Variants in DAB1 observed in about 807,000 individuals in gnomAD.
The protein encoded by DAB1 is disabled homolog 1.
A neutral mutation model predicts 64.6 loss-of-function variants in DAB1; 15 were observed. The observed-to-expected ratio is 0.23, with a 90% CI of 0.16 to 0.36. DAB1 has a LOEUF of 0.36. DAB1 is among the 10% of genes least tolerant of loss of function. The pLI is 1.00. For missense variants in DAB1, 596 were observed against 706.7 expected (o/e 0.84, Z 1.78); for synonymous variants, 235 against 251.9 (o/e 0.93, Z 0.64).
chr1:57,852,758 C>T (rs1321065018), intron 1 of DAB1, among the ~76,000 whole-genome samples: 1 of 152,108 alleles, frequency 6.6e-6, no homozygotes, highest in Non-Finnish European at 1.5e-5. Context: ...TTATGTTTCT[C>T]ATTTACATTT....
At chr1:57,281,848 G>A (rs1671920628) in intron 2 of DAB1, among the ~76,000 whole-genome samples, 1 of 152,042 alleles carries the variant, frequency 6.6e-6, no homozygotes, top group South Asian at 2.1e-4. Context: ...ATATGTAGAA[G>A]CTCACATGAA....
chr1:57,066,823 C>A (rs1246661672), intron 8 of DAB1, among the ~76,000 whole-genome samples: 1 of 152,122 alleles, frequency 6.6e-6, no homozygotes, highest in Non-Finnish European at 1.5e-5. Flanking sequence ...TTTCATAGCC[C>A]AGGAAATTGA....
At chr1:58,118,107 C>T (rs1429905417) in intron 5 of DAB1, among the ~76,000 whole-genome samples, 1 of 151,606 alleles carries the variant, frequency 6.6e-6, no homozygotes, top group Non-Finnish European at 1.5e-5. Context: ...GACAATGTCT[C>T]CTTACATTGC....
At chr1:57,165,853 C>T (rs1661170209) in intron 2 of DAB1, among the ~76,000 whole-genome samples, 1 of 152,130 alleles carries the variant, frequency 6.6e-6, no homozygotes, top group African/African-American at 2.4e-5. Flanking sequence ...TTAAGAAGTC[C>T]CCAGTCTACT....
At chr1:58,423,015 A>G (rs928881307) in intron 3 of DAB1, among the ~76,000 whole-genome samples, 3 of 152,160 alleles carry the variant, frequency 2.0e-5, no homozygotes, top group Non-Finnish European at 4.4e-5. Context: ...AAAGCACACT[A>G]GAAGGAAGGT....
chr1:57,197,673 A>G (rs561703), intron 2 of DAB1, among the ~76,000 whole-genome samples: 47,632 of 152,104 alleles, frequency 0.31, 7,748 homozygotes, highest in Middle Eastern at 0.39. Context: ...AGGAGAGCAC[A>G]TGGTTTTACA....
chr1:57,756,227 T>C (rs1438343477), intron 6 of DAB1, among the ~76,000 whole-genome samples: 1 of 152,208 alleles, frequency 6.6e-6, no homozygotes, highest in African/African-American at 2.4e-5. Flanking sequence ...ACAGTCACAT[T>C]GCCCTCATTT....
chr1:57,208,021 GC>G (rs1427479421), intron 2 of DAB1, among the ~76,000 whole-genome samples: 2 of 152,278 alleles, frequency 1.3e-5, no homozygotes, highest in Admixed American at 1.3e-4. Flanking sequence ...CCTAAAGCAG[GC>G]CCTGAAATAA....
At chr1:57,562,145 G>A (rs1021806878) in intron 7 of DAB1, among the ~76,000 whole-genome samples, 2 of 152,232 alleles carry the variant, frequency 1.3e-5, no homozygotes, top group African/African-American at 4.8e-5. Flanking sequence ...GGCCGAGGCA[G>A]GTGGACTACC....
At chr1:57,992,302 G>A (rs897163108) in intron 5 of DAB1, among the ~76,000 whole-genome samples, 1 of 152,124 alleles carries the variant, frequency 6.6e-6, no homozygotes, top group African/African-American at 2.4e-5. Context: ...TCTTCATATG[G>A]GTGCTGGAAA....
chr1:57,384,279 G>A (rs1270730154), intron 1 of DAB1, among the ~76,000 whole-genome samples: 4 of 152,172 alleles, frequency 2.6e-5, no homozygotes, highest in African/African-American at 9.7e-5. Flanking sequence ...TGATGATGTG[G>A]AGAAACTGGA....
At chr1:58,403,922 TG>T (rs1405523433) in intron 3 of DAB1, among the ~76,000 whole-genome samples, 1 of 152,242 alleles carries the variant, frequency 6.6e-6, no homozygotes, top group African/African-American at 2.4e-5. Context: ...ACTCACAAGC[TG>T]TGAACAGAAT....
chr1:58,154,110 T>A (rs911320091), intron 4 of DAB1, among the ~76,000 whole-genome samples: 3 of 152,062 alleles, frequency 2.0e-5, no homozygotes, highest in South Asian at 4.2e-4. Flanking sequence ...TCACCAAGGA[T>A]GAAGCCTTCA....
intron 6 of DAB1, among the ~76,000 whole-genome samples, chr1:57,752,182 T>C (rs1648587989): frequency 6.6e-6 from 1 of 152,230 alleles, no homozygotes; most frequent in Admixed American, 6.5e-5. Context: ...ACACTGTCAG[T>C]TTCAGACTTC....
At chr1:57,355,200 T>C (rs1678975836) in intron 1 of DAB1, among the ~76,000 whole-genome samples, 2 of 152,078 alleles carry the variant, frequency 1.3e-5, no homozygotes, top group African/African-American at 4.8e-5. Context: ...TTCCCTTAGT[T>C]GTTTCATTCC....
At chr1:57,028,168 G>A (rs935749510) in intron 9 of DAB1, among the ~76,000 whole-genome samples, 12 of 152,122 alleles carry the variant, frequency 7.9e-5, no homozygotes, top group African/African-American at 2.2e-4. Flanking sequence ...AGGGACACAC[G>A]GGGAGGTAAT....
chr1:58,517,605 A>T (rs1646177679), intron 2 of DAB1, among the ~76,000 whole-genome samples: 1 of 152,174 alleles, frequency 6.6e-6, no homozygotes, highest in East Asian at 1.9e-4. Flanking sequence ...CCAATTCATA[A>T]TACTTCAAAC....
intron 6 of DAB1, among the ~76,000 whole-genome samples, chr1:57,719,279 G>A (rs549386739): frequency 6.6e-6 from 1 of 152,280 alleles, no homozygotes; most frequent in African/African-American, 2.4e-5. Context: ...AAATGCTCTG[G>A]TATTTACAGG....
intron 4 of DAB1, among the ~76,000 whole-genome samples, chr1:58,321,923 T>C (rs945410133): frequency 5.9e-5 from 9 of 152,216 alleles, no homozygotes; most frequent in Non-Finnish European, 7.3e-5. Flanking sequence ...TCTCCCAGCA[T>C]GGTGTTTGAG....
Sources: gnomAD v4.1 joint callset for allele counts (sites outside exome capture counted in the v4.1 genomes callset) on GRCh38, gnomAD v4.1.1 for gene constraint, MANE v1.5 for transcripts, NCBI Gene and HGNC (gene_info 2026-07-23, HGNC 2026-07-21) for gene names.